Variants in IRAG1 observed in about 807,000 individuals in gnomAD.
IRAG1 encodes IP3R-associated cGMP kinase substrate.
IRAG1 carries 62 observed loss-of-function variants against 106.2 expected under a neutral mutation model. The ratio of observed to expected loss-of-function variants is 0.58; its 90% confidence interval spans 0.48 to 0.72. IRAG1 has a LOEUF of 0.72. Among genes scored for constraint, IRAG1 ranks in the 30% least tolerant of loss-of-function variants. IRAG1 has a pLI of 0.00. For synonymous variants in IRAG1, 462 were observed against 443.9 expected (o/e 1.04, Z -0.51); for missense variants, 1,064 against 1,140.7 (o/e 0.93, Z 0.97).
chr11:10,664,589 CA>C, intron 1 of IRAG1, among the ~76,000 whole-genome samples: 1 of 152,306 alleles, frequency 6.6e-6, no homozygotes, highest in South Asian at 2.1e-4. Context: ...CCCATGAGTT[CA>C]AGTTCACGTT....
rs1860257093 is a variant in IRAG1, at chr11:10,671,852, ATCTCATTCC to A, written c.68-19679_68-19671del. ...TAAAGCCCTAAATTGTTGGAATGCC[ATCTCATTCC>A]AATTTCATATGGAAACACAAGGAAG... On this transcript the variant is annotated intron_variant, in intron 1 of 20. Coordinates refer to ENST00000423302, the MANE Select transcript of IRAG1 (RefSeq NM_130385.4). Among the ~76,000 whole-genome samples the A allele has an allele frequency of 7.2e-5, 11 of 152,348 alleles. No individual in the cohort carries two copies. The South Asian group carries it at 2.3e-3, about 32-fold the overall frequency.
Position 10,576,519 on chromosome 11 carries a change from T to C in IRAG1, c.2552A>G (p.His851Arg). The change falls in exon 21 of 21, where the codon CAC (histidine) becomes CGC (arginine). Residue 851 changes from histidine to arginine, a missense_variant. Physicochemically the swap from His to Arg is conservative, Grantham distance 29. Transcript: ENST00000423302. ...LQVMYPKLCQ[H>R]WQVIWMMAAV... ...AGCCATCATCCAGATCACTTGCCAG[T>C]GCTGACACAGTTTGGGATACATGAC... 9 of 1,614,026 alleles carry C rather than the reference T, an allele frequency of 5.6e-6. No individual in the cohort carries two copies. The highest frequency in any genetic ancestry group is 7.6e-6 in the Non-Finnish European group (9 of 1,179,886).
rs367620608 is a variant in IRAG1, at chr11:10,652,298, G to A, written c.68-116C>T. ...GCCGGCTTGAGTTTGCATCAACACC[G>A]GAGGTCAAACCAGGCTAGGAGAGGG... On this transcript the variant is annotated intron_variant, in intron 1 of 20. Coordinates refer to ENST00000423302, the MANE Select transcript of IRAG1 (RefSeq NM_130385.4). 1.0e-4 allele frequency: 152 copies of A among 1,520,810 alleles called. No homozygotes were observed. In the South Asian group the frequency reaches 1.6e-3, roughly 16 times the overall value. The allele number at this position is 1,520,810 out of a possible 1,614,324, so 94.2% of individuals were successfully genotyped here. A position where few individuals can be genotyped will look rare whatever the true frequency, so the allele number is the denominator to read the frequency against.
At chr11:10,587,227 G>A (rs1188965294) in intron 18 of IRAG1, among the ~76,000 whole-genome samples, 1 of 152,186 alleles carries the variant, frequency 6.6e-6, no homozygotes, top group Non-Finnish European at 1.5e-5. Context: ...GAACTATTTA[G>A]TCAAAATATA....
chr11:10,673,068 A>C (rs1178863779), intron 1 of IRAG1, among the ~76,000 whole-genome samples: 1 of 152,152 alleles, frequency 6.6e-6, no homozygotes, highest in Non-Finnish European at 1.5e-5. Flanking sequence ...GAATCACTTG[A>C]GGTCAGGAGT....
At chr11:10,595,099 A>C (rs1169482906) in intron 15 of IRAG1, among the ~76,000 whole-genome samples, 1 of 151,660 alleles carries the variant, frequency 6.6e-6, no homozygotes, top group Non-Finnish European at 1.5e-5. Context: ...TAATTTTTTT[A>C]TTTTTAGTAG....
At chr11:10,615,818 G>A (rs527832335) in intron 10 of IRAG1, among the ~76,000 whole-genome samples, 129 of 151,758 alleles carry the variant, frequency 8.5e-4, no homozygotes, top group African/African-American at 3.0e-3. Flanking sequence ...AGCATTAGCA[G>A]ATATACCTAA....
intron 2 of IRAG1, among the ~76,000 whole-genome samples, chr11:10,643,068 G>C (rs553457280): frequency 3.3e-5 from 5 of 150,754 alleles, no homozygotes; most frequent in African/African-American, 1.2e-4. Context: ...CCAGCTACTC[G>C]GGAAGCTGAG....
rs532764479 is a variant in IRAG1, at chr11:10,610,420, C to G, written c.1448-569G>C. The stretch of plus-strand genomic sequence containing the variant: ...CCTCCTAGTCAACAGAGACAATGAA[C>G]AGCTTTTTGTTTTTTAAACTTCTAA... On this transcript the variant is annotated intron_variant, in intron 10 of 20. Transcript: ENST00000423302. Among the ~76,000 whole-genome samples, 4 of 152,306 alleles carry G rather than the reference C, an allele frequency of 2.6e-5. No individual in the cohort carries two copies. In the East Asian group the frequency reaches 7.7e-4, roughly 29 times the overall value.
rs771914265 is a variant in IRAG1, at chr11:10,629,682, T to C, written c.430A>G (p.Asn144Asp). 6.2e-7 allele frequency: 1 copy of C among 1,613,738 alleles called. No individual in the cohort carries two copies. Among genetic ancestry groups the C allele is most frequent in the African/African-American group, 1.3e-5 (1 of 74,922 alleles). The change falls in exon 5 of 21, where the codon AAT becomes GAT. Residue 144 changes from asparagine (N) to aspartate (D), a missense_variant. Physicochemically the swap from Asn to Asp is conservative, Grantham distance 23. Coordinates refer to ENST00000423302, the MANE Select transcript of IRAG1 (RefSeq NM_130385.4). ...ATGCTGATGTCTGGCAGCTGGTCAT[T>C]CACCAGGTCAATGATGTGCCCCGCG... ...DPAGHIIDLV[N>D]DQLPDISISE...
chr11:10,626,208 A>G lies in IRAG1; in HGVS notation c.1126T>C (p.Ser376Pro). ...AGEPMGPEAG[S>P]KAELPPTVSR... The stretch of plus-strand genomic sequence containing the variant: ...ACAGTGGGTGGAAGCTCAGCTTTGG[A>G]GCCAGCCTCGGGCCCCATCGGCTCT... The change falls in exon 9 of 21, where the codon TCC becomes CCC. Residue 376 changes from serine to proline, a missense_variant. Transcript: ENST00000423302. 1 of 1,580,406 alleles carries G rather than the reference A, an allele frequency of 6.3e-7. No homozygotes were observed. The highest frequency in any genetic ancestry group is 1.1e-5 in the South Asian group (1 of 87,138).
At chr11:10,584,042 G>A (rs536715182) in intron 18 of IRAG1, among the ~76,000 whole-genome samples, 1 of 152,230 alleles carries the variant, frequency 6.6e-6, no homozygotes, top group Non-Finnish European at 1.5e-5. Context: ...GATCATTGCA[G>A]GTATGGGATC....
intron 11 of IRAG1, among the ~76,000 whole-genome samples, chr11:10,608,165 G>C (rs1300943314): frequency 3.3e-5 from 5 of 152,032 alleles, no homozygotes; most frequent in Non-Finnish European, 7.4e-5. Context: ...GCCCAGGCTG[G>C]AGTGCAGTGG....
Position 10,626,249 on chromosome 11 carries a change from C to T in IRAG1, c.1085G>A (p.Gly362Glu), listed in dbSNP as rs1856236836. 1 of 1,608,508 alleles carries T rather than the reference C, an allele frequency of 6.2e-7. No individual in the cohort carries two copies. Among genetic ancestry groups the T allele is most frequent in the Admixed American group, 1.7e-5 (1 of 59,660 alleles). ...CATCGGCTCTCCAGCTGGGCCTCTC[C>T]CCTGGGAGGCTGGGGGACCCACTCC... is the stretch of plus-strand genomic sequence containing the variant. ...AAGVGPPASQ[G>E]RGPAGEPMGP... The change falls in exon 9 of 21, where the codon GGG becomes GAG. Residue 362 changes from glycine to glutamate, a missense_variant. Transcript: ENST00000423302.
chr11:10,646,033 G>A (rs1857913784), intron 2 of IRAG1, among the ~76,000 whole-genome samples: 1 of 152,166 alleles, frequency 6.6e-6, no homozygotes, highest in Non-Finnish European at 1.5e-5. Flanking sequence ...CTTATCCAAG[G>A]TAGCAGTCAA....
intron 18 of IRAG1, chr11:10,585,895 T>C (rs1851911092): frequency 6.6e-6 from 1 of 152,198 alleles, no homozygotes; most frequent in African/African-American, 2.4e-5. Flanking sequence ...CAGCCCTCCA[T>C]GAACCCCCGC....
intron 1 of IRAG1, among the ~76,000 whole-genome samples, chr11:10,664,199 G>A (rs1481724201): frequency 1.3e-5 from 2 of 152,130 alleles, no homozygotes; most frequent in African/African-American, 4.8e-5. Flanking sequence ...ATCCCCTGGG[G>A]TAGACAGGAA....
chr11:10,680,414 G>GAAA (rs1443133429), intron 1 of IRAG1, among the ~76,000 whole-genome samples: 25 of 51,814 alleles, frequency 4.8e-4, no homozygotes, highest in African/African-American at 1.6e-3. Flanking sequence ...GGAAAGAAAG[G>GAAA]GAAAGAAAGA....
chr11:10,649,278 G>A (rs943386460), intron 2 of IRAG1, among the ~76,000 whole-genome samples: 1 of 152,226 alleles, frequency 6.6e-6, no homozygotes, highest in East Asian at 1.9e-4. Context: ...CCAGGGCGTG[G>A]CAGTAAGGGA....
Sources: gnomAD v4.1 joint callset for allele counts (sites outside exome capture counted in the v4.1 genomes callset) on GRCh38, gnomAD v4.1.1 for gene constraint, MANE v1.5 for transcripts, NCBI Gene and HGNC (gene_info 2026-07-23, HGNC 2026-07-21) for gene names.